The following KIF1C variants were observed in gnomAD, a reference collection of about 807,000 sequenced individuals.
The protein encoded by KIF1C is kinesin family member 1C.
In KIF1C, 61 loss-of-function variants were observed where a neutral mutation model predicts 126.5. The ratio of observed to expected loss-of-function variants is 0.48; its 90% CI spans 0.39 to 0.60. KIF1C has a LOEUF of 0.60. Among genes scored for constraint, KIF1C ranks in the 20% least tolerant of loss-of-function variants. The pLI, the probability that KIF1C is intolerant of heterozygous loss-of-function variation, is 0.00. For synonymous variants in KIF1C, 640 were observed against 580.6 expected, an observed-to-expected ratio of 1.10 and a Z score of -1.47; for missense variants, 1,315 against 1,489.2, an observed-to-expected ratio of 0.88 and a Z score of 1.93.
At chr17:5,001,080 G>A (rs1974578540) in intron 4 of KIF1C, 142 bp from the exon 5 acceptor site, 1 of 965,966 alleles carries the variant, frequency 1.0e-6, no homozygotes, top group Non-Finnish European at 1.6e-6. Context: ...CCTTGGGGTG[G>A]TAAGGACAAT....
Position 5,022,759 on chromosome 17 carries a change from T to TA in KIF1C, c.2628+51dup. 6.8e-7 allele frequency: 1 copy of TA among 1,462,812 alleles called. No individual in the cohort carries two copies. Among genetic ancestry groups the TA allele is most frequent in the Non-Finnish European group, 9.0e-7 (1 of 1,112,382 alleles). The allele number at this position is 1,462,812 out of a possible 1,614,324, so 90.6% of individuals were successfully genotyped here. On this transcript the variant is annotated intron_variant, in intron 22 of 22. Coordinates refer to ENST00000320785, the MANE Select transcript of KIF1C (RefSeq NM_006612.6). The surrounding 1 kb of genome is among the most constrained non-coding windows in gnomAD (Gnocchi z 4.9). ...TCTCTCCTCCCTCGGCTCTTCACTT[T>TA]AGGAGTCTGAACCTTCCATCTCAGA...
At position 5,023,638 on chromosome 17, in the gene KIF1C, C is replaced by T. The variant is rs548392588; in HGVS notation, c.2799C>T (p.Ala933=). 1.5e-5 allele frequency: 24 copies of T among 1,613,280 alleles called. No individual in the cohort carries two copies. The East Asian group carries it at 2.2e-4, about 15-fold the overall frequency. ...CACGGCTCATGGAGGAGGACCCTGC[C>T]TTCCGTCGTGGTCGTCTTCGCTGGC... ...RVSRLMEEDP[A]FRRGRLRWLK... is the part of the protein sequence containing the mutation. The change falls in exon 23 of 23, where the codon GCC becomes GCT. Residue 933 remains alanine, a synonymous_variant. Coordinates refer to ENST00000320785, the MANE Select transcript of KIF1C (RefSeq NM_006612.6). This position sits in a 1 kb window ranked among gnomAD's most constrained non-coding sequence, Gnocchi z 4.2.
chr17:5,020,906 G>C lies in KIF1C; in HGVS notation c.2010+28G>C, dbSNP rs753736196. The stretch of plus-strand genomic sequence containing the variant: ...GAGGGGCAGCAGGGGCTGGGGATGG[G>C]CTGATGGGCAGATGAGCCGCAAGCC... On this transcript the variant is annotated intron_variant, in intron 21 of 22. Coordinates refer to ENST00000320785, the MANE Select transcript of KIF1C (RefSeq NM_006612.6). The surrounding 1 kb of genome is among the most constrained non-coding windows in gnomAD (Gnocchi z 5.8). 2.8e-5 allele frequency: 44 copies of C among 1,554,984 alleles called. No individual in the cohort carries two copies. Among genetic ancestry groups the C allele is most frequent in the Non-Finnish European group, 3.7e-5 (42 of 1,147,278 alleles).
Position 5,024,247 on chromosome 17 carries a change from G to A in KIF1C, c.*96G>A, listed in dbSNP as rs921945851. ...TTCCCCAGAAGTGCTGGGGCAGGGA[G>A]GCCCAGGAGATGAGAGAGAAGGTCC... On this transcript the variant is annotated 3_prime_UTR_variant, in exon 23 of 23. Transcript: ENST00000320785. 61 of 890,824 alleles carry A rather than the reference G, an allele frequency of 6.8e-5. No homozygotes were observed. Among genetic ancestry groups the A allele is most frequent in the Non-Finnish European group, 9.9e-5 (57 of 578,114 alleles). The allele number at this position is 890,824 out of a possible 1,614,324, so 55.2% of individuals were successfully genotyped here.
Position 5,007,019 on chromosome 17 carries a change from G to A in KIF1C, c.1270G>A (p.Glu424Lys), listed in dbSNP as rs1183237957. Residue 424 changes from glutamate (E) to lysine (K), a missense_variant, in exon 14 of 23, where the codon GAG becomes AAG. By Grantham distance (56) the Glu-to-Lys change is moderately conservative. Transcript: ENST00000320785. Reference sequence around the variant, plus strand: ...ACCCACCACACATAATGGGGAGCTGGAGCCGTCATTCTCCCCCAACACGGA... The same window carrying A: ...ACCCACCACACATAATGGGGAGCTGAAGCCGTCATTCTCCCCCAACACGGA... ...SSPTTHNGEL[E>K]PSFSPNTESQ... 3.1e-6 allele frequency: 5 copies of A among 1,609,850 alleles called. No homozygotes were observed. The highest frequency in any genetic ancestry group is 4.2e-6 in the Non-Finnish European group (5 of 1,178,870).
chr17:5,016,778 C>T (rs1192755040), intron 18 of KIF1C, among the ~76,000 whole-genome samples: 2 of 151,472 alleles, frequency 1.3e-5, no homozygotes, highest in Admixed American at 6.6e-5. Context: ...TGGTGGCGAA[C>T]GCTTGTAATC....
chr17:5,020,826 A>G lies in KIF1C; in HGVS notation c.1958A>G (p.Gln653Arg). 6.3e-7 allele frequency: 1 copy of G among 1,593,298 alleles called. No individual in the cohort carries two copies. Among genetic ancestry groups the G allele is most frequent in the Non-Finnish European group, 8.5e-7 (1 of 1,169,638 alleles). Residue 653 changes from glutamine to arginine, a missense_variant, in exon 21 of 23, where the codon CAG (glutamine) becomes CGG (arginine). Gln to Arg is a conservative substitution (Grantham distance 43, BLOSUM62 1). Around this residue, in one of 2 missense-constraint regions of KIF1C, gnomAD observed 874 missense variants for 1,053.2 expected, o/e 0.83. Coordinates refer to ENST00000320785, the MANE Select transcript of KIF1C (RefSeq NM_006612.6). The surrounding 1 kb of genome is among the most constrained non-coding windows in gnomAD (Gnocchi z 5.8). ...MEKRLQDLENQYRKEKEEADL... is the reference protein window; with the variant it reads ...MEKRLQDLENRYRKEKEEADL... ...CCCAGGCTGCAGGATCTGGAGAATC[A>G]GTACCGGAAAGAAAAGGAAGAAGCC... is the stretch of plus-strand genomic sequence containing the variant.
intron 18 of KIF1C, among the ~76,000 whole-genome samples, chr17:5,016,131 T>C (rs888964780): frequency 4.7e-5 from 7 of 148,136 alleles, no homozygotes; most frequent in Admixed American, 3.4e-4. Context: ...GGGGTGTGTA[T>C]GGTCAGCACT....
rs370106692 is a variant in KIF1C at position 5,002,807 on chromosome 17, T to C, written c.685T>C (p.Cys229Arg). 1.2e-6 allele frequency: 2 copies of C among 1,612,722 alleles called. No individual in the cohort carries two copies. The highest frequency in any genetic ancestry group is 8.5e-7 in the Non-Finnish European group (1 of 1,179,254). Residue 229 changes from cysteine to arginine, a missense_variant, in exon 8 of 23, where the codon TGC (cysteine) becomes CGC (arginine). Transcript: ENST00000320785. Reference sequence around the variant, plus strand: ...CTTTACCATCGTCTTCACACAGCGCTGCCATGACCAGCTCACGGGGCTGGA... The same window carrying C: ...CTTTACCATCGTCTTCACACAGCGCCGCCATGACCAGCTCACGGGGCTGGA... ...AVFTIVFTQR[C>R]HDQLTGLDSE...
Position 5,002,808 on chromosome 17 carries a change from G to A in KIF1C, c.686G>A (p.Cys229Tyr), listed in dbSNP as rs1301993103. The change falls in exon 8 of 23, where the codon TGC (cysteine) becomes TAC (tyrosine). Residue 229 changes from cysteine to tyrosine, a missense_variant. By Grantham distance (194) the Cys-to-Tyr change is radical. Transcript: ENST00000320785. ...TTTACCATCGTCTTCACACAGCGCT[G>A]CCATGACCAGCTCACGGGGCTGGAC... Reference protein sequence around the residue: ...AVFTIVFTQRCHDQLTGLDSE... With the variant: ...AVFTIVFTQRYHDQLTGLDSE... The A allele has an allele frequency of 2.5e-6, 4 of 1,613,580 alleles. No homozygotes were observed. The highest frequency in any genetic ancestry group is 1.1e-5 in the South Asian group (1 of 91,066).
rs368728725 is a variant in KIF1C at position 5,020,729 on chromosome 17, G to A, written c.1937+51G>A. On this transcript the variant is annotated intron_variant, in intron 20 of 22. Coordinates refer to ENST00000320785, the MANE Select transcript of KIF1C (RefSeq NM_006612.6). This position sits in a 1 kb window ranked among gnomAD's most constrained non-coding sequence, Gnocchi z 5.8. ...CATGGCCGTCTAGGCCGTCCCTCCC[G>A]GGCCTCTGGGCCCGTGTCCTCCTCT... is the stretch of plus-strand genomic sequence containing the variant. 3.9e-5 allele frequency: 62 copies of A among 1,608,384 alleles called. No individual in the cohort carries two copies. The highest frequency in any genetic ancestry group is 5.0e-5 in the Non-Finnish European group (59 of 1,176,856).
intron 21 of KIF1C, among the ~76,000 whole-genome samples, chr17:5,021,169 GTTT>G (rs765920431): frequency 1.3e-5 from 1 of 77,396 alleles, no homozygotes; most frequent in Non-Finnish European, 2.4e-5. Context: ...GATTGTTGTG[GTTT>G]TTTTTTTTTT....
At chr17:5,017,994 T>C (rs1192320877) in intron 18 of KIF1C, among the ~76,000 whole-genome samples, 1 of 152,034 alleles carries the variant, frequency 6.6e-6, no homozygotes, top group East Asian at 1.9e-4. Context: ...TCATTTTTAT[T>C]TTTTGAGACA....
chr17:5,000,726 A>C, intron 3 of KIF1C, 46 bp from the exon 4 acceptor site: 1 of 1,566,450 alleles, frequency 6.4e-7, no homozygotes, highest in Non-Finnish European at 8.8e-7. Flanking sequence ...GGGACTGGGA[A>C]TACCTGACCT....
chr17:5,016,467 A>G (rs533967703), intron 18 of KIF1C, among the ~76,000 whole-genome samples: 1 of 151,480 alleles, frequency 6.6e-6, no homozygotes, highest in Admixed American at 6.6e-5. Flanking sequence ...TGGTCAGGCT[A>G]GTCTTGAACT....
intron 18 of KIF1C, 49 bp downstream of exon 18, chr17:5,014,886 G>A (rs1974940541): frequency 7.0e-7 from 1 of 1,435,446 alleles, no homozygotes; most frequent in South Asian, 1.2e-5. Context: ...GAGGCCCCAT[G>A]TTCCACCCCA....
At chr17:5,001,468 G>A (rs1974591222) in intron 5 of KIF1C, 67 bp downstream of exon 5, 1 of 1,470,388 alleles carries the variant, frequency 6.8e-7, no homozygotes, top group Non-Finnish European at 9.4e-7. Context: ...AGGAAGGAAG[G>A]ACTAGGGTCG....
In KIF1C at chr17:5,004,948, C is replaced by T; in HGVS notation, c.1113C>T (p.Ala371=). ...TTAGAGAGCTGCAGGAGGAAGTAGC[C>T]CGGCTGCGGGAACTGCTGATGGCTC... ...RLIRELQEEV[A]RLRELLMAQG... The change falls in exon 13 of 23, where the codon GCC becomes GCT. Residue 371 remains alanine, a synonymous_variant. Coordinates refer to ENST00000320785, the MANE Select transcript of KIF1C (RefSeq NM_006612.6). 1.9e-6 allele frequency: 3 copies of T among 1,614,220 alleles called. No individual in the cohort carries two copies. Among genetic ancestry groups the T allele is most frequent in the Non-Finnish European group, 2.5e-6 (3 of 1,180,046 alleles).
rs762184126 is a variant in KIF1C, at chr17:5,020,113, G to A, written c.1750+34G>A. Reference sequence around the variant, plus strand: ...TGTGTCGCAGATTGAGGGTTCTGGGGCGTGGCTGTGTGTAGGAAGTCTCAA... The same window carrying A: ...TGTGTCGCAGATTGAGGGTTCTGGGACGTGGCTGTGTGTAGGAAGTCTCAA... On this transcript the variant is annotated intron_variant, in intron 19 of 22. Transcript: ENST00000320785. This position sits in a 1 kb window ranked among gnomAD's most constrained non-coding sequence, Gnocchi z 5.8. 6.6e-7 allele frequency: 1 copy of A among 1,518,136 alleles called. No individual in the cohort carries two copies. The highest frequency in any genetic ancestry group is 1.2e-5 in the South Asian group (1 of 83,800). The allele number at this position is 1,518,136 out of a possible 1,614,324, so 94.0% of individuals were successfully genotyped here. A position where few individuals can be genotyped will look rare whatever the true frequency, so the allele number is the denominator to read the frequency against.
Sources: allele counts gnomAD v4.1 joint callset (sites outside exome capture counted in the v4.1 genomes callset), GRCh38; gene constraint gnomAD v4.1.1; regional missense constraint gnomAD v4.1.1; non-coding constraint Gnocchi (gnomAD v3.1); transcripts MANE v1.5; gene names NCBI Gene and HGNC (gene_info 2026-07-23, HGNC 2026-07-21).